DLC1: variants seen among roughly 807,000 people sequenced by gnomAD.
DLC1 encodes the protein DLC1 Rho GTPase activating protein, also known as rho GTPase-activating protein 7.
DLC1 carries 54 observed loss-of-function variants against 140.3 expected under a neutral mutation model. The ratio of observed to expected loss-of-function variants is 0.38; its 90% confidence interval spans 0.31 to 0.48. DLC1 has a LOEUF of 0.48. DLC1 is among the 20% of genes least tolerant of loss of function. The pLI, the probability that DLC1 is intolerant of heterozygous loss-of-function variation, is 0.96. For missense variants in DLC1, 2,536 were observed against 1,907.0 expected (o/e 1.33, Z -6.14); for synonymous variants, 986 against 728.1 (o/e 1.35, Z -5.70).
At chr8:13,401,746 T>G (rs1837310826) in intron 2 of DLC1, 127 bp from the exon 3 acceptor site, 1 of 1,234,952 alleles carries the variant, frequency 8.1e-7, no homozygotes, top group South Asian at 1.6e-5. Context: ...AGAAGAGAAG[T>G]TCCATTCTGT....
rs143218458 is a variant in DLC1 at position 13,183,517 on chromosome 8, T to C, written c.1349-67860A>G. On this transcript the variant is annotated intron_variant, in intron 5 of 17. Coordinates refer to ENST00000276297, the MANE Select transcript of DLC1 (RefSeq NM_182643.3). ...CAATACCTAGTTTATTGAGGGTTTT[T>C]AGCATGAAGGGCTGTTGAATTTTGT... Among the ~76,000 whole-genome samples the C allele has an allele frequency of 9.2e-3, 1,400 of 152,320 alleles. 24 individuals carry two copies. The highest frequency in any genetic ancestry group is 0.031 in the African/African-American group (1,307 of 41,570).
intron 5 of DLC1, among the ~76,000 whole-genome samples, chr8:13,290,526 G>T (rs1831716907): frequency 6.6e-6 from 1 of 152,008 alleles, no homozygotes; most frequent in South Asian, 2.1e-4. Context: ...ATTATTGAGT[G>T]TCCTTTATGT....
intron 2 of DLC1, 192 bp downstream of exon 2, chr8:13,498,857 G>A: frequency 3.4e-6 from 2 of 595,604 alleles, no homozygotes; most frequent in African/African-American, 1.8e-5. Context: ...TAGTGAAACG[G>A]ATAGATTATT....
chr8:13,203,087 C>G (rs1201397433), intron 5 of DLC1, among the ~76,000 whole-genome samples: 3 of 152,184 alleles, frequency 2.0e-5, no homozygotes, highest in African/African-American at 4.8e-5. Context: ...TATGCCTCTT[C>G]TTCTGAAAAC....
intron 5 of DLC1, among the ~76,000 whole-genome samples, chr8:13,298,600 A>T (rs2117492144): frequency 6.6e-6 from 1 of 152,338 alleles, no homozygotes. Flanking sequence ...TAAGCAAGAT[A>T]ATAAAACTGT....
chr8:13,188,922 C>G (rs1826581286), intron 5 of DLC1, among the ~76,000 whole-genome samples: 2 of 144,974 alleles, frequency 1.4e-5, no homozygotes, highest in South Asian at 2.2e-4. Context: ...AACTCCTGAC[C>G]TCGTTATCCG....
intron 5 of DLC1, among the ~76,000 whole-genome samples, chr8:13,197,850 T>C (rs957087841): frequency 6.6e-6 from 1 of 152,064 alleles, no homozygotes; most frequent in Non-Finnish European, 1.5e-5. Context: ...ATACACCCTA[T>C]TGGAGAGGTA....
At chr8:13,578,901 A>T (rs1044395423) in intron 1 of DLC1, among the ~76,000 whole-genome samples, 2 of 151,598 alleles carry the variant, frequency 1.3e-5, no homozygotes, top group East Asian at 3.9e-4. Context: ...TTGCTGACTG[A>T]CTCAACCTTC....
intron 4 of DLC1, among the ~76,000 whole-genome samples, chr8:13,357,752 A>G (rs1445105666): frequency 6.6e-6 from 1 of 152,134 alleles, no homozygotes; most frequent in Non-Finnish European, 1.5e-5. Context: ...TTTGCAATAG[A>G]TATGTTGAAC....
chr8:13,092,632 C>G lies in DLC1; in HGVS notation c.3720G>C (p.Lys1240Asn). 1 of 1,614,164 alleles carries G rather than the reference C, an allele frequency of 6.2e-7. No homozygotes were observed. Among genetic ancestry groups the G allele is most frequent in the Non-Finnish European group, 8.5e-7 (1 of 1,180,034 alleles). ...CGTACCTGGGAGAGGAATTCTCTCT[C>G]TTCAGGGTGTTGAGATGGAAGAGGG... ...APSLFHLNTLKRENSSPRVMQ... is the reference protein window; with the variant it reads ...APSLFHLNTLNRENSSPRVMQ... The change falls in exon 13 of 18, where the codon AAG becomes AAC. Residue 1240 changes from lysine to asparagine, a missense_variant. Coordinates refer to ENST00000276297, the MANE Select transcript of DLC1 (RefSeq NM_182643.3).
At chr8:13,436,889 A>G (rs922412469) in intron 2 of DLC1, among the ~76,000 whole-genome samples, 20 of 152,230 alleles carry the variant, frequency 1.3e-4, no homozygotes, top group African/African-American at 4.8e-4. Flanking sequence ...ATTTGTAGCA[A>G]TGGAATTTTT....
chr8:13,580,145 C>G (rs1441141209), intron 1 of DLC1, among the ~76,000 whole-genome samples: 1 of 74,606 alleles, frequency 1.3e-5, no homozygotes, highest in Non-Finnish European at 2.9e-5. Flanking sequence ...TTTTTTGAGA[C>G]AGAGTTTTGC....
intron 2 of DLC1, among the ~76,000 whole-genome samples, chr8:13,458,057 T>A (rs1163004212): frequency 6.6e-6 from 1 of 152,118 alleles, no homozygotes; most frequent in Non-Finnish European, 1.5e-5. Flanking sequence ...ATGTGAAAAT[T>A]AAAGGCTCTC....
chr8:13,561,323 G>C (rs1804235744), intron 1 of DLC1, among the ~76,000 whole-genome samples: 1 of 152,010 alleles, frequency 6.6e-6, no homozygotes, highest in Non-Finnish European at 1.5e-5. Context: ...TGCAACTGCA[G>C]CCACACCTAG....
intron 5 of DLC1, among the ~76,000 whole-genome samples, chr8:13,276,104 A>G (rs534813868): frequency 6.6e-6 from 1 of 152,358 alleles, no homozygotes; most frequent in South Asian, 2.1e-4. Flanking sequence ...GTTAAATACT[A>G]GAGAAAGGGA....
chr8:13,603,765 G>A (rs1805962701), intron 1 of DLC1, among the ~76,000 whole-genome samples: 2 of 152,060 alleles, frequency 1.3e-5, no homozygotes, highest in Admixed American at 1.3e-4. Flanking sequence ...ATAGGTTGCT[G>A]TAAGGAAAGC....
chr8:13,157,749 T>A (rs6988742), intron 5 of DLC1, among the ~76,000 whole-genome samples: 9,276 of 152,288 alleles, frequency 0.061, 936 homozygotes, highest in African/African-American at 0.21. Context: ...CCTTGGAGAT[T>A]CTTTCACACT....
intron 2 of DLC1, among the ~76,000 whole-genome samples, chr8:13,444,949 A>G (rs1162490408): frequency 6.6e-6 from 1 of 152,198 alleles, no homozygotes; most frequent in East Asian, 1.9e-4. Context: ...ATGAATGAAG[A>G]TGTAGGAAAG....
chr8:13,354,964 A>T (rs1477102759), intron 4 of DLC1, among the ~76,000 whole-genome samples: 5 of 151,842 alleles, frequency 3.3e-5, no homozygotes. Context: ...AAAAAAAAAA[A>T]AAAAGAAAAA....
Sources: allele counts gnomAD v4.1 joint callset (sites outside exome capture counted in the v4.1 genomes callset), GRCh38; gene constraint gnomAD v4.1.1; transcripts MANE v1.5; gene names NCBI Gene and HGNC (gene_info 2026-07-23, HGNC 2026-07-21).